EGFR: variants seen among roughly 807,000 people sequenced by gnomAD.
EGFR encodes avian erythroblastic leukemia viral (v-erb-b) oncogene homolog.
EGFR carries 58 observed loss-of-function variants against 143.0 expected under a neutral mutation model. That is an observed-to-expected ratio of 0.41 (90% CI 0.33 to 0.50). The LOEUF (loss-of-function observed/expected upper bound fraction) is 0.50. EGFR is among the 20% of genes least tolerant of loss of function. The pLI is 0.39. For synonymous variants in EGFR, 613 were observed against 594.4 expected (o/e 1.03, Z -0.45); for missense variants, 1,307 against 1,579.0 (o/e 0.83, Z 2.92).
intron 16 of EGFR, 130 bp from the exon 17 acceptor site, chr7:55,172,853 A>G (rs541354993): frequency 7.4e-5 from 118 of 1,597,374 alleles, no homozygotes; most frequent in Non-Finnish European, 9.4e-5. Flanking sequence ...TAGAAGCTAC[A>G]TAGTGTCTCA....
At chr7:55,024,558 C>T (rs374223288) in intron 1 of EGFR, among the ~76,000 whole-genome samples, 1 of 152,218 alleles carries the variant, frequency 6.6e-6, no homozygotes, top group East Asian at 1.9e-4. Flanking sequence ...AGTACACCTG[C>T]AATTACACCA....
intron 1 of EGFR, among the ~76,000 whole-genome samples, chr7:55,089,166 T>G (rs1562703895): frequency 6.6e-6 from 1 of 152,214 alleles, no homozygotes; most frequent in Non-Finnish European, 1.5e-5. Context: ...TTTTTTAACT[T>G]AATTTTACTT....
intron 12 of EGFR, among the ~76,000 whole-genome samples, chr7:55,161,239 C>T (rs895091439): frequency 6.6e-6 from 1 of 152,240 alleles, no homozygotes; most frequent in African/African-American, 2.4e-5. Context: ...GGGTGCCTGG[C>T]TCCCACCAGG....
chr7:55,172,952 C>T (rs750973350), intron 16 of EGFR, 31 bp from the exon 17 acceptor site: 1 of 1,614,050 alleles, frequency 6.2e-7, no homozygotes, highest in Non-Finnish European at 8.5e-7. Flanking sequence ...TCAGCAACCT[C>T]ACCCTTCCTT....
chr7:55,165,867 C>T (rs1392989339), intron 15 of EGFR, among the ~76,000 whole-genome samples: 1 of 152,186 alleles, frequency 6.6e-6, no homozygotes, highest in Non-Finnish European at 1.5e-5. Flanking sequence ...GATTGTTAAG[C>T]TGTTGCTACT....
Position 55,174,108 on chromosome 7 carries a change from C to A in EGFR, c.2184+65C>A. 6 of 1,607,130 alleles carry A rather than the reference C, an allele frequency of 3.7e-6. No individual in the cohort carries two copies. The South Asian group carries it at 6.6e-5, about 18-fold the overall frequency. ...GCCTCTCATGGTCTGGTGGGGAGCC[C>A]AGAGTCCTTGCAAGCTGTATATTTC... is the stretch of plus-strand genomic sequence containing the variant. On this transcript the variant is annotated intron_variant, in intron 18 of 27. Coordinates refer to ENST00000275493, the MANE Select transcript of EGFR (RefSeq NM_005228.5).
intron 1 of EGFR, among the ~76,000 whole-genome samples, chr7:55,112,059 A>G (rs1454041058): frequency 1.3e-5 from 2 of 152,174 alleles, no homozygotes; most frequent in East Asian, 3.9e-4. Flanking sequence ...TGGGCTACCC[A>G]GCCTCACCCA....
chr7:55,129,188 C>T (rs999300087), intron 1 of EGFR, among the ~76,000 whole-genome samples: 2 of 152,174 alleles, frequency 1.3e-5, no homozygotes, highest in Admixed American at 6.5e-5. Context: ...GTGGGGACTA[C>T]AGAAGCCAAG....
intron 10 of EGFR, 52 bp from the exon 11 acceptor site, chr7:55,157,611 A>G: frequency 6.6e-7 from 1 of 1,514,596 alleles, no homozygotes; most frequent in South Asian, 1.1e-5. Context: ...GTCTCATACA[A>G]AAAAGAAACT....
intron 1 of EGFR, among the ~76,000 whole-genome samples, chr7:55,117,754 T>C (rs1792957527): frequency 6.6e-6 from 1 of 152,178 alleles, no homozygotes; most frequent in Non-Finnish European, 1.5e-5. Flanking sequence ...CATATGTGTA[T>C]GTGATTCTGC....
At chr7:55,036,495 G>A (rs1050364246) in intron 1 of EGFR, among the ~76,000 whole-genome samples, 3 of 152,096 alleles carry the variant, frequency 2.0e-5, no homozygotes, top group African/African-American at 7.2e-5. Context: ...TTTCCTATGT[G>A]TATATGATAC....
intron 1 of EGFR, among the ~76,000 whole-genome samples, chr7:55,111,605 G>T (rs1042649304): frequency 6.6e-6 from 1 of 152,124 alleles, no homozygotes; most frequent in Non-Finnish European, 1.5e-5. Flanking sequence ...TGAATTCCTG[G>T]ACTTGATATG....
At chr7:55,176,105 A>G (rs374166644) in intron 19 of EGFR, among the ~76,000 whole-genome samples, 66 of 152,204 alleles carry the variant, frequency 4.3e-4, no homozygotes, top group African/African-American at 1.4e-3. Context: ...TTCACTTACA[A>G]TCTCTGGCCC....
At chr7:55,146,075 A>G (rs532497997) in intron 3 of EGFR, among the ~76,000 whole-genome samples, 2 of 152,044 alleles carry the variant, frequency 1.3e-5, no homozygotes, top group Non-Finnish European at 2.9e-5. Context: ...GCATCCCTGG[A>G]GTCTACCTGT....
At chr7:55,170,649 C>G in intron 15 of EGFR, 1 of 1,598,096 alleles carries the variant, frequency 6.3e-7, no homozygotes, top group East Asian at 2.2e-5. Context: ...CTTCCTTCCA[C>G]TCCCTTTGCC....
In EGFR at chr7:55,201,751, A is replaced by G. The variant is rs2128972505; in HGVS notation, c.3131A>G (p.Asn1044Ser). 1.2e-6 allele frequency: 2 copies of G among 1,614,200 alleles called. No individual in the cohort carries two copies. The highest frequency in any genetic ancestry group is 1.7e-6 in the Non-Finnish European group (2 of 1,180,030). ...LLSSLSATSN[N>S]STVACIDRNG... ...CTTTTTCAGAGTGCAACCAGCAACA[A>G]TTCCACCGTGGCTTGCATTGATAGA... Residue 1044 changes from asparagine (N) to serine (S), a missense_variant, in exon 26 of 28, where the codon AAT becomes AGT. Physicochemically the swap from Asn to Ser is conservative, Grantham distance 46. Around this residue, in one of 7 missense-constraint regions of EGFR, gnomAD observed 313 missense variants for 312.3 expected, o/e 1.00. Coordinates refer to ENST00000275493, the MANE Select transcript of EGFR (RefSeq NM_005228.5).
Position 55,109,526 on chromosome 7 carries a change from C to T in EGFR, c.89-32760C>T, listed in dbSNP as rs146561043. Among the ~76,000 whole-genome samples, 200 of 152,296 alleles carry T rather than the reference C, an allele frequency of 1.3e-3. 1 individual carries two copies. Among genetic ancestry groups the T allele is most frequent in the African/African-American group, 4.4e-3 (182 of 41,548 alleles). ...TTGCTGCTTACTGGTTAGGGCAGCT[C>T]CTCTTTGCCAGCGACCAAGCAGAAA... On this transcript the variant is annotated intron_variant, in intron 1 of 27. Transcript: ENST00000275493.
chr7:55,184,119 C>G (rs759163), intron 20 of EGFR, among the ~76,000 whole-genome samples: 149,304 of 152,356 alleles, frequency 0.98, 73,167 homozygotes, highest in East Asian at 1. Flanking sequence ...GTCTGCGCCT[C>G]GTCTCCCGAC....
chr7:55,060,725 C>T lies in EGFR; in HGVS notation c.88+41360C>T, dbSNP rs540975869. Among the ~76,000 whole-genome samples, 3 of 152,232 alleles carry T rather than the reference C, an allele frequency of 2.0e-5. No homozygotes were observed. In the East Asian group the frequency reaches 5.8e-4, roughly 29 times the overall value. On this transcript the variant is annotated intron_variant, in intron 1 of 27. Transcript: ENST00000275493. ...ACCCAGCATGTAGATGGCTATTTGG[C>T]CTTGCTCCCAGTATAACGATGCAGT...
Sources: gnomAD v4.1 joint callset for allele counts (sites outside exome capture counted in the v4.1 genomes callset) on GRCh38, gnomAD v4.1.1 for gene constraint, gnomAD v4.1.1 regional missense constraint, MANE v1.5 for transcripts, NCBI Gene and HGNC (gene_info 2026-07-23, HGNC 2026-07-21) for gene names.